MYO16: variants seen among roughly 807,000 people sequenced by gnomAD.
MYO16 encodes myosin XVI, also known as unconventional myosin-XVI.
MYO16 carries 94 observed loss-of-function variants against 205.3 expected under a neutral mutation model. The ratio of observed to expected loss-of-function variants is 0.46; its 90% CI spans 0.39 to 0.54. The LOEUF (loss-of-function observed/expected upper bound fraction) is 0.54, where lower values mean the gene tolerates loss of function less well. Ranked by LOEUF, MYO16 falls within the 20% of genes least tolerant of loss-of-function variation. MYO16 has a pLI of 0.00. For missense variants in MYO16, 2,315 were observed against 2,387.5 expected, an observed-to-expected ratio of 0.97 and a Z score of 0.63; for synonymous variants, 988 against 954.0, an observed-to-expected ratio of 1.04 and a Z score of -0.66.
At chr13:108,788,133 G>T (rs1181493869) in intron 5 of MYO16, among the ~76,000 whole-genome samples, 1 of 152,084 alleles carries the variant, frequency 6.6e-6, no homozygotes, top group South Asian at 2.1e-4. Flanking sequence ...TTTGCGTTGT[G>T]CAGTTTCGCA....
At chr13:108,551,621 A>G in the MYO16 span, among the ~76,000 whole-genome samples, 1 of 152,070 alleles carries the variant, frequency 6.6e-6, no homozygotes, top group Non-Finnish European at 1.5e-5. Context: ...TATTCCAAAC[A>G]TGATCATATT....
intron 16 of MYO16, among the ~76,000 whole-genome samples, chr13:108,956,418 C>T (rs988062553): frequency 2.0e-5 from 3 of 152,160 alleles, no homozygotes; most frequent in Admixed American, 6.5e-5. Context: ...GTAATCTTGC[C>T]CTGGGCTACC....
At chr13:108,733,759 G>A (rs1884599628) in intron 4 of MYO16, among the ~76,000 whole-genome samples, 2 of 152,124 alleles carry the variant, frequency 1.3e-5, no homozygotes, top group Admixed American at 1.3e-4. Context: ...TCAGGAGATC[G>A]AGACCATCCA....
chr13:108,721,085 A>G (rs1884145162), intron 3 of MYO16, among the ~76,000 whole-genome samples: 1 of 152,230 alleles, frequency 6.6e-6, no homozygotes, highest in African/African-American at 2.4e-5. Context: ...AGATGAATCA[A>G]TAATGTGCAT....
At chr13:108,710,168 G>A (rs1179224362) in intron 2 of MYO16, among the ~76,000 whole-genome samples, 1 of 152,080 alleles carries the variant, frequency 6.6e-6, no homozygotes, top group Non-Finnish European at 1.5e-5. Context: ...AAAGCTGACT[G>A]GTAAAATTCC....
At chr13:109,197,948 C>T (rs1594179535) in intron 34 of MYO16, among the ~76,000 whole-genome samples, 2 of 152,312 alleles carry the variant, frequency 1.3e-5, no homozygotes, top group South Asian at 4.1e-4. Flanking sequence ...TTCCGTCAAG[C>T]TTTGTGTGTT....
chr13:108,758,143 C>T (rs1428009450), intron 4 of MYO16, among the ~76,000 whole-genome samples: 1 of 152,176 alleles, frequency 6.6e-6, no homozygotes. Context: ...GACACCAAAT[C>T]TTCAGGCGAC....
intron 4 of MYO16, among the ~76,000 whole-genome samples, chr13:108,737,721 C>T (rs1884755576): frequency 6.6e-6 from 1 of 152,162 alleles, no homozygotes; most frequent in South Asian, 2.1e-4. Flanking sequence ...GTACCAGCTC[C>T]TCCTTGTACC....
intron 24 of MYO16, among the ~76,000 whole-genome samples, chr13:109,050,466 T>C (rs1335952232): frequency 6.6e-6 from 1 of 152,192 alleles, no homozygotes; most frequent in Non-Finnish European, 1.5e-5. Flanking sequence ...GGCGGTGCTC[T>C]TCAGCTTTTT....
At chr13:108,575,084 C>T in the MYO16 span, among the ~76,000 whole-genome samples, 4 of 151,614 alleles carry the variant, frequency 2.6e-5, no homozygotes, top group African/African-American at 9.7e-5. Context: ...TAGAGCTAAC[C>T]CTGTCACACC....
At chr13:108,894,499 C>G (rs559680239) in intron 14 of MYO16, among the ~76,000 whole-genome samples, 28 of 152,136 alleles carry the variant, frequency 1.8e-4, no homozygotes, top group African/African-American at 6.7e-4. Context: ...ACACACAGTA[C>G]TCTCCCTGAA....
intron 4 of MYO16, among the ~76,000 whole-genome samples, chr13:108,749,384 T>C (rs186825698): frequency 3.3e-5 from 5 of 152,304 alleles, no homozygotes; most frequent in Middle Eastern, 3.4e-3. Flanking sequence ...AAAGAACTTA[T>C]AGCTGAAATA....
chr13:109,031,962 G>T lies in MYO16; in HGVS notation c.2796+12051G>T, dbSNP rs116309424. On this transcript the variant is annotated intron_variant, in intron 23 of 34. Transcript: ENST00000457511. ...GACATTGTACGGTGGCCTAGAAAGT[G>T]CCTTTTTCTTCCTTTTCATGCCATG... Among the ~76,000 whole-genome samples, 447 of 152,194 alleles carry T rather than the reference G, an allele frequency of 2.9e-3. 1 individual carries two copies. Among genetic ancestry groups the T allele is most frequent in the African/African-American group, 0.01 (433 of 41,522 alleles).
At chr13:108,911,008 G>T (rs939909404) in intron 16 of MYO16, among the ~76,000 whole-genome samples, 2 of 148,674 alleles carry the variant, frequency 1.3e-5, no homozygotes, top group Non-Finnish European at 3.0e-5. Flanking sequence ...GAGAACTTTT[G>T]TGAGAAAAAG....
At chr13:109,161,868 G>T (rs1418590406) in intron 32 of MYO16, among the ~76,000 whole-genome samples, 2 of 152,134 alleles carry the variant, frequency 1.3e-5, no homozygotes, top group Non-Finnish European at 2.9e-5. Context: ...GCCAAGGAAG[G>T]CAGATCACTT....
intron 6 of MYO16, among the ~76,000 whole-genome samples, chr13:108,796,128 A>G (rs1886781859): frequency 6.6e-6 from 1 of 152,146 alleles, no homozygotes. Flanking sequence ...ATGGGCCTAT[A>G]TGAGGACCAC....
intron 34 of MYO16, among the ~76,000 whole-genome samples, chr13:109,202,593 A>G (rs1880441050): frequency 6.6e-6 from 1 of 152,312 alleles, no homozygotes; most frequent in South Asian, 2.1e-4. Flanking sequence ...ATGCTCTTTG[A>G]TGGGTAGAAT....
chr13:108,694,884 G>A (rs1222695333), intron 2 of MYO16, among the ~76,000 whole-genome samples: 5 of 152,064 alleles, frequency 3.3e-5, no homozygotes, highest in South Asian at 2.1e-4. Context: ...AGGCTGAGGC[G>A]GGTGGATCAC....
the MYO16 span, among the ~76,000 whole-genome samples, chr13:108,497,212 T>A: frequency 6.6e-6 from 1 of 152,190 alleles, no homozygotes; most frequent in Non-Finnish European, 1.5e-5. Flanking sequence ...ACAACCAGCT[T>A]CTTTCTTTTG....
Sources: gnomAD v4.1 joint callset for allele counts (sites outside exome capture counted in the v4.1 genomes callset) on GRCh38, gnomAD v4.1.1 for gene constraint, MANE v1.5 for transcripts, NCBI Gene and HGNC (gene_info 2026-07-23, HGNC 2026-07-21) for gene names.